The following JAK2 variants were observed in gnomAD, a reference collection of about 807,000 sequenced individuals.
The protein encoded by JAK2 is Janus kinase 2, also known as tyrosine-protein kinase JAK2.
JAK2 carries 86 observed loss-of-function variants against 139.3 expected under a neutral mutation model. The ratio of observed to expected loss-of-function variants is 0.62; its 90% CI spans 0.52 to 0.74. JAK2 has a LOEUF of 0.74. Ranked by LOEUF, JAK2 falls within the 30% of genes least tolerant of loss-of-function variation. The probability of loss-of-function intolerance (pLI) is 0.00; values close to 1 mark genes in which losing one functional copy is unlikely to be tolerated. For synonymous variants in JAK2, 490 were observed against 437.7 expected (o/e 1.12, Z -1.49); for missense variants, 1,421 against 1,360.3 (o/e 1.04, Z -0.70).
chr9:5,055,736 G>A lies in JAK2; in HGVS notation c.1004G>A (p.Gly335Asp), dbSNP rs748854741. ...AGTATTAAGCAAGCAAACCAAGAGG[G>A]TTCAAATGAAAGCCGAGTTGTAACT... is the stretch of plus-strand genomic sequence containing the variant. ...DVSIKQANQE[G>D]SNESRVVTIH... Residue 335 changes from glycine to aspartate, a missense_variant, in exon 8 of 25, where the codon GGT (glycine) becomes GAT (aspartate). Physicochemically the swap from Gly to Asp is moderately conservative, Grantham distance 94. Coordinates refer to ENST00000381652, the MANE Select transcript of JAK2 (RefSeq NM_004972.4). 9.9e-6 allele frequency: 16 copies of A among 1,609,866 alleles called. No homozygotes were observed. The highest frequency in any genetic ancestry group is 1.3e-5 in the African/African-American group (1 of 74,766).
At chr9:5,031,316 A>C (rs1346930529) in intron 4 of JAK2, among the ~76,000 whole-genome samples, 1 of 152,200 alleles carries the variant, frequency 6.6e-6, no homozygotes, top group Non-Finnish European at 1.5e-5. Context: ...ATTATATGAA[A>C]CTACAAAATG....
At chr9:5,058,326 G>C (rs1391814629) in intron 8 of JAK2, among the ~76,000 whole-genome samples, 1 of 152,158 alleles carries the variant, frequency 6.6e-6, no homozygotes, top group African/African-American at 2.4e-5. Flanking sequence ...TAAAATCATG[G>C]CAGAAGGTGA....
intron 2 of JAK2, 101 bp from the exon 3 acceptor site, chr9:5,021,862 G>C: frequency 1.6e-6 from 1 of 638,032 alleles, no homozygotes; most frequent in South Asian, 2.0e-5. Context: ...CCAACTTCTG[G>C]GCTCAAGCTA....
At chr9:4,999,762 A>G (rs1386723658) in intron 2 of JAK2, among the ~76,000 whole-genome samples, 1 of 152,168 alleles carries the variant, frequency 6.6e-6, no homozygotes, top group Non-Finnish European at 1.5e-5. Context: ...ATCATTTTTA[A>G]TATCTTTATA....
intron 2 of JAK2, among the ~76,000 whole-genome samples, chr9:4,989,332 A>G (rs1463036072): frequency 2.6e-5 from 4 of 152,130 alleles, no homozygotes; most frequent in Non-Finnish European, 5.9e-5. Context: ...TAGTCTTAGA[A>G]CATTTTCACA....
intron 7 of JAK2, among the ~76,000 whole-genome samples, chr9:5,055,179 T>C (rs1330272037): frequency 4.6e-5 from 7 of 152,060 alleles, no homozygotes. Context: ...CTACTAGTGA[T>C]AACAGAAGGC....
chr9:5,042,124 CTTTTTTTTT>C (rs71326152), intron 4 of JAK2, among the ~76,000 whole-genome samples: 55 of 107,616 alleles, frequency 5.1e-4, no homozygotes, highest in African/African-American at 1.9e-3. Flanking sequence ...GCCAAAATTT[CTTTTTTTTT>C]TTTTTTTTTT....
chr9:5,072,139 A>G (rs1818991628), intron 12 of JAK2, among the ~76,000 whole-genome samples: 3 of 152,206 alleles, frequency 2.0e-5, no homozygotes. Flanking sequence ...TCTGCAGACC[A>G]CATTCTCTAG....
At position 5,029,718 on chromosome 9, in the gene JAK2, T is replaced by G; in HGVS notation, c.227-65T>G. The G allele has an allele frequency of 2.2e-6, 3 of 1,373,222 alleles. No homozygotes were observed. In the South Asian group the frequency reaches 4.5e-5, roughly 20 times the overall value. The allele number at this position is 1,373,222 out of a possible 1,614,324, so 85.1% of individuals were successfully genotyped here. A position where few individuals can be genotyped will look rare whatever the true frequency, so the allele number is the denominator to read the frequency against. On this transcript the variant is annotated intron_variant, in intron 3 of 24. Transcript: ENST00000381652. ...GTTACTTTAGCTTCATTTCAAATTA[T>G]AGGTGCTATGTAAAAATATTCTGTT...
At chr9:5,126,612 A>G in intron 24 of JAK2, 72 bp from the exon 25 acceptor site, 3 of 1,132,668 alleles carry the variant, frequency 2.6e-6, no homozygotes, top group Admixed American at 3.9e-5. Flanking sequence ...TGTATTGAAA[A>G]TTAATGTCTT....
chr9:5,055,526 A>T (rs897314189), intron 7 of JAK2, 143 bp from the exon 8 acceptor site: 2 of 584,008 alleles, frequency 3.4e-6, no homozygotes, highest in African/African-American at 3.7e-5. Context: ...TTGATAGAGT[A>T]AATCACGTTT....
chr9:5,119,989 G>C (rs981486162), intron 22 of JAK2, among the ~76,000 whole-genome samples: 8 of 152,110 alleles, frequency 5.3e-5, no homozygotes, highest in African/African-American at 1.2e-4. Flanking sequence ...CACTGTCTTA[G>C]TCCCTTTATG....
At chr9:4,996,702 CT>C (rs1820586552) in intron 2 of JAK2, among the ~76,000 whole-genome samples, 2 of 151,872 alleles carry the variant, frequency 1.3e-5, no homozygotes, top group African/African-American at 2.4e-5. Context: ...GCCTTCACCC[CT>C]ACCCCTCCCT....
In JAK2 at chr9:5,022,047, T is replaced by G; in HGVS notation, c.60T>G (p.Tyr20Ter). The G allele has an allele frequency of 6.2e-7, 1 of 1,614,160 alleles. No homozygotes were observed. The highest frequency in any genetic ancestry group is 8.5e-7 in the Non-Finnish European group (1 of 1,179,990). The change falls in exon 3 of 25, where the codon TAT becomes TAG. Residue 20 changes from tyrosine (Y) to a stop codon, truncating the protein, a stop_gained. Coordinates refer to ENST00000381652, the MANE Select transcript of JAK2 (RefSeq NM_004972.4). LOFTEE classifies it high-confidence loss of function. ...EMEGTSTSSI[Y>*]QNGDISGNAN... is the part of the protein sequence containing the mutation. ...AGGGAACATCCACCTCTTCTATATA[T>G]CAGAATGGTGATATTTCTGGAAATG...
intron 8 of JAK2, among the ~76,000 whole-genome samples, chr9:5,058,043 T>A (rs1218530627): frequency 6.6e-6 from 1 of 152,184 alleles, no homozygotes; most frequent in East Asian, 1.9e-4. Flanking sequence ...TTAATATATG[T>A]ATGTATTCTG....
At chr9:5,001,860 G>T (rs1244079201) in intron 2 of JAK2, among the ~76,000 whole-genome samples, 1 of 151,918 alleles carries the variant, frequency 6.6e-6, no homozygotes, top group Non-Finnish European at 1.5e-5. Flanking sequence ...GAAGAGATAT[G>T]ATACTATTCA....
At chr9:5,072,438 C>T in intron 12 of JAK2, 54 bp from the exon 13 acceptor site, 3 of 1,359,300 alleles carry the variant, frequency 2.2e-6, no homozygotes, top group Non-Finnish European at 2.0e-6. Context: ...TTTCTTGTTC[C>T]TACTTCGTTC....
rs534473995 is a variant in JAK2 at position 5,069,812 on chromosome 9, A to T, written c.1514-113A>T. The T allele has an allele frequency of 1.4e-5, 7 of 510,990 alleles. No homozygotes were observed. The Admixed American group carries it at 2.9e-4, about 21-fold the overall frequency. The allele number at this position is 510,990 out of a possible 1,614,324, so 31.7% of individuals were successfully genotyped here. A position where few individuals can be genotyped will look rare whatever the true frequency, so the allele number is the denominator to read the frequency against. On this transcript the variant is annotated intron_variant, in intron 11 of 24. Transcript: ENST00000381652. ...TTTCTATTATAAAAAAAGAACAATTAGGAGTTATTAAGCATTTCTTATACG... is the reference window on the plus strand; with the variant it reads ...TTTCTATTATAAAAAAAGAACAATTTGGAGTTATTAAGCATTTCTTATACG...
chr9:5,060,885 G>C (rs541879211), intron 8 of JAK2, among the ~76,000 whole-genome samples: 41 of 152,282 alleles, frequency 2.7e-4, no homozygotes, highest in African/African-American at 9.6e-4. Context: ...TAGATAATAA[G>C]ACTTGAAAGT....
Sources: allele counts gnomAD v4.1 joint callset (sites outside exome capture counted in the v4.1 genomes callset), GRCh38; gene constraint gnomAD v4.1.1; transcripts MANE v1.5; gene names NCBI Gene and HGNC (gene_info 2026-07-23, HGNC 2026-07-21).